The following RTTN variants were observed in gnomAD, a reference collection of about 807,000 sequenced individuals.
The protein encoded by RTTN is rotatin.
In RTTN, 182 loss-of-function variants were observed where a neutral mutation model predicts 269.2. That is an observed-to-expected ratio of 0.68 (90% CI 0.60 to 0.76). The LOEUF (loss-of-function observed/expected upper bound fraction) is 0.76, where lower values mean the gene tolerates loss of function less well. Ranked by LOEUF, RTTN falls within the 30% of genes least tolerant of loss-of-function variation. The probability of loss-of-function intolerance (pLI) is 0.00; values close to 1 mark genes in which losing one functional copy is unlikely to be tolerated. For synonymous variants in RTTN, 1,006 were observed against 963.5 expected (o/e 1.04, Z -0.82); for missense variants, 2,545 against 2,608.6 (o/e 0.98, Z 0.53).
chr18:70,047,927 T>G, intron 40 of RTTN, 44 bp downstream of exon 40: 1 of 1,485,232 alleles, frequency 6.7e-7, no homozygotes, highest in East Asian at 2.3e-5. Context: ...GTCAATTTAT[T>G]TAAACGCTAA....
At position 70,193,403 on chromosome 18, in the gene RTTN, T is replaced by C; in HGVS notation, c.892A>G (p.Thr298Ala). 1 of 1,596,666 alleles carries C rather than the reference T, an allele frequency of 6.3e-7. No homozygotes were observed. ...GGGGAAGGATTCTGGGAATGATGAG[T>C]ACCTCTTGCTTCATGACAATAAGAC... ...SLSYCHEARG[T>A]HHSQNPSPGS... is the part of the protein sequence containing the mutation. The change falls in exon 8 of 49, where the codon ACT becomes GCT. Residue 298 changes from threonine to alanine, a missense_variant. By Grantham distance (58) the Thr-to-Ala change is moderately conservative. Coordinates refer to ENST00000640769, the MANE Select transcript of RTTN (RefSeq NM_173630.4).
intron 30 of RTTN, among the ~76,000 whole-genome samples, chr18:70,088,357 C>T (rs1407079258): frequency 6.6e-6 from 1 of 152,064 alleles, no homozygotes; most frequent in Non-Finnish European, 1.5e-5. Context: ...AAGCAAATTT[C>T]AAAGCAAAGT....
At position 70,190,610 on chromosome 18, in the gene RTTN, G is replaced by A; in HGVS notation, c.1117C>T (p.Gln373Ter). 6 of 1,613,704 alleles carry A rather than the reference G, an allele frequency of 3.7e-6. No homozygotes were observed. Among genetic ancestry groups the A allele is most frequent in the Non-Finnish European group, 5.1e-6 (6 of 1,179,604 alleles). ...TGGGGAAGACTGAGCTGCTGGAATT[G>A]TAGTTCCAATGTGTCTTCAGTTTCC... is the stretch of plus-strand genomic sequence containing the variant. ...ELETEDTLEL[Q>*]FQQLSLPQFC... The change falls in exon 9 of 49, where the codon CAA (glutamine) becomes TAA (stop). Residue 373 changes from glutamine (Q) to a stop codon, truncating the protein, a stop_gained. Transcript: ENST00000640769. LOFTEE classifies it high-confidence loss of function.
At chr18:70,049,559 G>A (rs2144790161) in intron 39 of RTTN, among the ~76,000 whole-genome samples, 1 of 152,054 alleles carries the variant, frequency 6.6e-6, no homozygotes, top group African/African-American at 2.4e-5. Flanking sequence ...ATGCATTTAA[G>A]TTTACTGAAT....
chr18:70,003,327 C>T lies in RTTN; in HGVS notation c.*824G>A, dbSNP rs1028960368. ...GAGCTGAAAGTATAAGCATGAGCCA[C>T]CAAGCCCGGCCATCTTCTGCATTTT... is the stretch of plus-strand genomic sequence containing the variant. On this transcript the variant is annotated 3_prime_UTR_variant, in exon 49 of 49. Coordinates refer to ENST00000640769, the MANE Select transcript of RTTN (RefSeq NM_173630.4). 6.6e-6 allele frequency: 1 copy of T among 152,178 alleles called. No individual in the cohort carries two copies. Among genetic ancestry groups the T allele is most frequent in the Non-Finnish European group, 1.5e-5 (1 of 68,062 alleles). 9.4% of individuals were successfully genotyped at this position (152,178 alleles called of 1,614,324 possible). A position where few individuals can be genotyped will look rare whatever the true frequency, so the allele number is the denominator to read the frequency against.
At position 70,071,720 on chromosome 18, in the gene RTTN, G is replaced by A. The variant is rs142476961; in HGVS notation, c.4653+2186C>T. 6.6e-4 allele frequency among the ~76,000 whole-genome samples: 100 copies of A among 152,174 alleles called. No individual in the cohort carries two copies. In the East Asian group the frequency reaches 0.011, roughly 16 times the overall value. ...ATCCTTACGAAGCTTGCCAAACAAC[G>A]GAACTAATACACATTAGGTAACAGC... On this transcript the variant is annotated intron_variant, in intron 34 of 48. Coordinates refer to ENST00000640769, the MANE Select transcript of RTTN (RefSeq NM_173630.4).
intron 3 of RTTN, among the ~76,000 whole-genome samples, chr18:70,202,733 G>A (rs1002421928): frequency 2.0e-5 from 3 of 152,168 alleles, no homozygotes; most frequent in African/African-American, 7.2e-5. Context: ...GTACTGTGGG[G>A]CAAGTTACTT....
At chr18:70,188,612 C>T (rs1191546951) in intron 9 of RTTN, among the ~76,000 whole-genome samples, 3 of 152,204 alleles carry the variant, frequency 2.0e-5, no homozygotes, top group Non-Finnish European at 1.5e-5. Flanking sequence ...TACTAGAAGG[C>T]GTGAGCCTTC....
intron 21 of RTTN, chr18:70,138,501 AATT>A (rs1302676431): frequency 6.6e-6 from 1 of 152,178 alleles, no homozygotes; most frequent in Non-Finnish European, 1.5e-5. Flanking sequence ...TTTAAATGAA[AATT>A]ATAAATGAAA....
At chr18:70,061,134 A>C (rs1210078089) in intron 35 of RTTN, among the ~76,000 whole-genome samples, 1 of 152,014 alleles carries the variant, frequency 6.6e-6, no homozygotes, top group Non-Finnish European at 1.5e-5. Context: ...GCTGGATCAG[A>C]GGGTAGGTTC....
intron 46 of RTTN, among the ~76,000 whole-genome samples, chr18:70,014,141 C>A (rs1408223268): frequency 6.6e-6 from 1 of 152,172 alleles, no homozygotes; most frequent in Non-Finnish European, 1.5e-5. Flanking sequence ...TAGCCACTAG[C>A]CACATGTAGT....
chr18:70,148,293 T>C (rs1333902443), intron 17 of RTTN, among the ~76,000 whole-genome samples: 6 of 152,116 alleles, frequency 3.9e-5, no homozygotes, highest in Non-Finnish European at 8.8e-5. Context: ...CACTGTTACC[T>C]AAAAATAATA....
intron 21 of RTTN, chr18:70,138,866 C>T (rs535794832): frequency 1.4e-4 from 22 of 152,120 alleles, no homozygotes; most frequent in African/African-American, 5.3e-4. Flanking sequence ...CAAGATGAAG[C>T]ACATTCAGAT....
intron 34 of RTTN, among the ~76,000 whole-genome samples, chr18:70,071,525 C>T (rs1221517426): frequency 6.6e-6 from 1 of 152,056 alleles, no homozygotes; most frequent in South Asian, 2.1e-4. Context: ...AACGTGATTT[C>T]GAGAAGAAAA....
Position 70,020,808 on chromosome 18 carries a change from G to C in RTTN, c.5960C>G (p.Ser1987Cys). ...YTANFPNGCS[S>C]LCWSSCGQHP... ...TTGTCCACAACTTGACCAACAAAGA[G>C]AACTGCAACCTTCAAAAATAACAGC... Residue 1987 changes from serine to cysteine, a missense_variant, in exon 45 of 49, where the codon TCT becomes TGT. Physicochemically the swap from Ser to Cys is moderately radical, Grantham distance 112 (BLOSUM62 -1). Transcript: ENST00000640769. 6.2e-7 allele frequency: 1 copy of C among 1,609,854 alleles called. No homozygotes were observed. Among genetic ancestry groups the C allele is most frequent in the Non-Finnish European group, 8.5e-7 (1 of 1,177,926 alleles).
chr18:70,171,011 G>C (rs1179005358), intron 11 of RTTN, among the ~76,000 whole-genome samples: 1 of 151,648 alleles, frequency 6.6e-6, no homozygotes, highest in African/African-American at 2.4e-5. Context: ...TATTTGGAAG[G>C]GGAAACAAAG....
chr18:70,171,773 T>C (rs1443398876), intron 11 of RTTN, among the ~76,000 whole-genome samples: 1 of 152,252 alleles, frequency 6.6e-6, no homozygotes, highest in Non-Finnish European at 1.5e-5. Context: ...TCAGCAGCCA[T>C]GGCATAATTC....
intron 10 of RTTN, among the ~76,000 whole-genome samples, chr18:70,179,669 T>G (rs1166769478): frequency 1.3e-5 from 2 of 152,188 alleles, no homozygotes; most frequent in Non-Finnish European, 2.9e-5. Flanking sequence ...AATACCAGGT[T>G]AGCAAAATGT....
At position 70,205,659 on chromosome 18, in the gene RTTN, C is replaced by G; in HGVS notation, c.-1G>C. On this transcript the variant is annotated 5_prime_UTR_variant, in exon 1 of 49. Coordinates refer to ENST00000640769, the MANE Select transcript of RTTN (RefSeq NM_173630.4). The stretch of plus-strand genomic sequence containing the variant: ...TCCTGATGAGCCCTGCCAGGACCAT[C>G]TCGTCCCGTCAATCTGCAGCCGCCG... 6.2e-7 allele frequency: 1 copy of G among 1,614,146 alleles called. No homozygotes were observed. Among genetic ancestry groups the G allele is most frequent in the Non-Finnish European group, 8.5e-7 (1 of 1,180,022 alleles).
Sources: gnomAD v4.1 joint callset for allele counts (sites outside exome capture counted in the v4.1 genomes callset) on GRCh38, gnomAD v4.1.1 for gene constraint, MANE v1.5 for transcripts, NCBI Gene and HGNC (gene_info 2026-07-23, HGNC 2026-07-21) for gene names.